The following HDAC8 variants were observed in gnomAD, a reference collection of about 807,000 sequenced individuals.
The protein encoded by HDAC8 is histone deacetylase-like 1.
Under a neutral mutation model 32.2 loss-of-function variants are expected in HDAC8, and 1 was observed. The observed-to-expected ratio is 0.03, with a 90% CI of 0.01 to 0.15. The LOEUF is 0.15. Among genes scored for constraint, HDAC8 ranks in the 10% least tolerant of loss-of-function variants. HDAC8 has a pLI of 1.00. For missense variants in HDAC8, 117 were observed against 300.0 expected, an observed-to-expected ratio of 0.39 and a Z score of 4.51; for synonymous variants, 108 against 113.9, an observed-to-expected ratio of 0.95 and a Z score of 0.33.
chrX:72,459,911 T>C (rs1008619655), intron 9 of HDAC8, among the ~76,000 whole-genome samples: 8 of 112,233 alleles, frequency 7.1e-5, no homozygotes, highest in African/African-American at 2.6e-4. Flanking sequence ...TCACACTGTG[T>C]AGCCTAGTTT....
intron 4 of HDAC8, among the ~76,000 whole-genome samples, chrX:72,495,585 T>A (rs1259215389): frequency 9.0e-6 from 1 of 111,557 alleles, no homozygotes; most frequent in Non-Finnish European, 1.9e-5. Context: ...CTTCAAAAAA[T>A]TTGTATACCC....
At chrX:72,372,912 C>T (rs1345976271) in intron 9 of HDAC8, among the ~76,000 whole-genome samples, 2 of 111,497 alleles carry the variant, frequency 1.8e-5, no homozygotes, top group Admixed American at 1.9e-4. Flanking sequence ...GATGAGTCAG[C>T]GACTGTGTTA....
chrX:72,364,862 A>G (rs1045461267), intron 9 of HDAC8, among the ~76,000 whole-genome samples: 2 of 111,660 alleles, frequency 1.8e-5, no homozygotes, highest in Admixed American at 9.5e-5. Flanking sequence ...GGAGATCTCT[A>G]TCTCTGTGAT....
At chrX:72,337,744 C>T (rs917851765) in intron 10 of HDAC8, among the ~76,000 whole-genome samples, 4 of 111,574 alleles carry the variant, frequency 3.6e-5, no homozygotes, top group African/African-American at 1.3e-4. Flanking sequence ...TGCTCAAATC[C>T]CTCTAACAGC....
chrX:72,404,454 C>T (rs1264948238), intron 9 of HDAC8, among the ~76,000 whole-genome samples: 1 of 110,689 alleles, frequency 9.0e-6, no homozygotes, highest in Non-Finnish European at 1.9e-5. Flanking sequence ...TTTTTTTAAT[C>T]CCACAAATTA....
At chrX:72,355,320 C>T (rs1392532893) in intron 9 of HDAC8, among the ~76,000 whole-genome samples, 1 of 112,280 alleles carries the variant, frequency 8.9e-6, no homozygotes, top group African/African-American at 3.2e-5. Flanking sequence ...CATTCCCAGA[C>T]AGGTGGAGCA....
chrX:72,368,358 CTTTT>C (rs11335533), intron 9 of HDAC8, among the ~76,000 whole-genome samples: 3 of 79,675 alleles, frequency 3.8e-5, no homozygotes, highest in Admixed American at 1.4e-4. Context: ...TTCCACAAGG[CTTTT>C]TTTTTTTTTT....
At chrX:72,503,409 C>T (rs1213421018) in intron 4 of HDAC8, among the ~76,000 whole-genome samples, 1 of 111,875 alleles carries the variant, frequency 8.9e-6, no homozygotes, top group African/African-American at 3.2e-5. Flanking sequence ...TTACATAGAC[C>T]TGAATGATAG....
chrX:72,501,469 C>G (rs2049214888), intron 4 of HDAC8, among the ~76,000 whole-genome samples: 1 of 110,714 alleles, frequency 9.0e-6, no homozygotes, highest in Non-Finnish European at 1.9e-5. Context: ...TAAGGCTGCA[C>G]ACCTATCACC....
intron 9 of HDAC8, among the ~76,000 whole-genome samples, chrX:72,403,431 C>T (rs2045958060): frequency 8.9e-6 from 1 of 111,991 alleles, no homozygotes. Context: ...GCCTCCCTCT[C>T]TTTTTGATAT....
intron 9 of HDAC8, among the ~76,000 whole-genome samples, chrX:72,404,282 G>A (rs577099645): frequency 9.0e-6 from 1 of 110,561 alleles, no homozygotes; most frequent in African/African-American, 3.3e-5. Context: ...TTATTTTAGG[G>A]TTGCCCTTGG....
intron 7 of HDAC8, among the ~76,000 whole-genome samples, chrX:72,480,907 G>T (rs1177074053): frequency 1.8e-5 from 2 of 109,926 alleles, no homozygotes; most frequent in Non-Finnish European, 3.8e-5. Context: ...TTGTCAGGGG[G>T]TGGGGAGCCA....
rs1358263345 is a variant in HDAC8 at position 72,351,784 on chromosome X, G to C, written c.1060C>G (p.Pro354Ala). ...ATTCGGTGGGGCTCATTGCGGTCTG[G>C]CCGGCAGCTTGGCGTGATTTCCAGC... ...YVLEITPSCRPDRNEPHRIQQ... is the reference protein window; with the variant it reads ...YVLEITPSCRADRNEPHRIQQ... Residue 354 changes from proline (P) to alanine (A), a missense_variant, in exon 10 of 11, where the codon CCA becomes GCA. Coordinates refer to ENST00000373573, the MANE Select transcript of HDAC8 (RefSeq NM_018486.3). 8.3e-7 allele frequency: 1 copy of C among 1,211,096 alleles called. No homozygotes were observed. Among genetic ancestry groups the C allele is most frequent in the East Asian group, 3.0e-5 (1 of 33,813 alleles).
In HDAC8 at chrX:72,480,890, C is replaced by T. The variant is rs1454797387; in HGVS notation, c.737+8043G>A. Among the ~76,000 whole-genome samples, 3 of 109,308 alleles carry T rather than the reference C, an allele frequency of 2.7e-5. No homozygotes were observed. The East Asian group carries it at 8.8e-4, about 32-fold the overall frequency. 94.9% of individuals were successfully genotyped at this position (109,308 alleles called of 115,157 possible). ...GACACAGGGAGGGGAAACTCACACACTGGGGCTTGTCAGGGGGTGGGGAGC... is the reference window on the plus strand; with the variant it reads ...GACACAGGGAGGGGAAACTCACACATTGGGGCTTGTCAGGGGGTGGGGAGC... On this transcript the variant is annotated intron_variant, in intron 7 of 10. Transcript: ENST00000373573.
chrX:72,543,942 C>T (rs1353645252), intron 4 of HDAC8, among the ~76,000 whole-genome samples: 1 of 112,604 alleles, frequency 8.9e-6, no homozygotes, highest in Non-Finnish European at 1.9e-5. Flanking sequence ...TTCTGGGCTG[C>T]GCCATGATGA....
intron 9 of HDAC8, among the ~76,000 whole-genome samples, chrX:72,428,876 A>T (rs2046727393): frequency 8.9e-6 from 1 of 111,746 alleles, no homozygotes; most frequent in Non-Finnish European, 1.9e-5. Flanking sequence ...CCTCTTTGAG[A>T]CATAATTTTC....
At chrX:72,520,864 G>A (rs1224386906) in intron 4 of HDAC8, among the ~76,000 whole-genome samples, 1 of 111,765 alleles carries the variant, frequency 8.9e-6, no homozygotes, top group Non-Finnish European at 1.9e-5. Flanking sequence ...TCACTTGTTG[G>A]ATATCCCACA....
In HDAC8 at chrX:72,348,341, T is replaced by C. The variant is rs1290573123; in HGVS notation, c.1111+3392A>G. ...AAATGACCAGCTTCACTGAGGTTTTTATAAGCAAGAACAAATAACAGTCTT... is the reference window on the plus strand; with the variant it reads ...AAATGACCAGCTTCACTGAGGTTTTCATAAGCAAGAACAAATAACAGTCTT... On this transcript the variant is annotated intron_variant, in intron 10 of 10. Coordinates refer to ENST00000373573, the MANE Select transcript of HDAC8 (RefSeq NM_018486.3). Among the ~76,000 whole-genome samples, 4 of 112,201 alleles carry C rather than the reference T, an allele frequency of 3.6e-5. No homozygotes were observed. The East Asian group carries it at 1.1e-3, about 31-fold the overall frequency.
intron 9 of HDAC8, among the ~76,000 whole-genome samples, chrX:72,457,108 A>G (rs2047740342): frequency 8.9e-6 from 1 of 111,956 alleles, no homozygotes; most frequent in Non-Finnish European, 1.9e-5. Flanking sequence ...AAAGGAGGAT[A>G]CCATATGATC....
Sources: allele counts gnomAD v4.1 joint callset (sites outside exome capture counted in the v4.1 genomes callset), GRCh38; gene constraint gnomAD v4.1.1; transcripts MANE v1.5; gene names NCBI Gene and HGNC (gene_info 2026-07-23, HGNC 2026-07-21).